Variants in SLC24A4 observed in about 807,000 individuals in gnomAD.
SLC24A4 encodes solute carrier family 24 member 4.
A neutral mutation model predicts 79.0 loss-of-function variants in SLC24A4; 53 were observed. The observed-to-expected ratio is 0.67, with a 90% CI of 0.54 to 0.84. The LOEUF is 0.84. Among genes scored for constraint, SLC24A4 ranks in the 40% least tolerant of loss-of-function variants. The probability of loss-of-function intolerance (pLI) is 0.00; values close to 1 mark genes in which losing one functional copy is unlikely to be tolerated. For synonymous variants in SLC24A4, 323 were observed against 323.8 expected, an observed-to-expected ratio of 1.00 and a Z score of 0.03; for missense variants, 731 against 822.0, an observed-to-expected ratio of 0.89 and a Z score of 1.35.
chr14:92,414,974 G>A (rs538806746), intron 2 of SLC24A4, among the ~76,000 whole-genome samples: 67 of 152,306 alleles, frequency 4.4e-4, no homozygotes, highest in African/African-American at 1.4e-3. Context: ...CCCTTGCCAC[G>A]ATGCGTGGTG....
chr14:92,362,322 G>A (rs1423296561), intron 2 of SLC24A4, among the ~76,000 whole-genome samples: 1 of 152,076 alleles, frequency 6.6e-6, no homozygotes, highest in Admixed American at 6.6e-5. Context: ...GGCACCTGCA[G>A]CCTTCTGGCC....
At chr14:92,461,675 C>T (rs1467909277) in intron 12 of SLC24A4, among the ~76,000 whole-genome samples, 1 of 152,134 alleles carries the variant, frequency 6.6e-6, no homozygotes. Context: ...AATACAGTTA[C>T]ATTGGGGGTT....
At position 92,442,729 on chromosome 14, in the gene SLC24A4, T is replaced by C. The variant is rs941650; in HGVS notation, c.495T>C (p.His165=). Residue 165 remains histidine, a synonymous_variant, in exon 6 of 17, where the codon CAT becomes CAC. Coordinates refer to ENST00000532405, the MANE Select transcript of SLC24A4 (RefSeq NM_153646.4). The stretch of plus-strand genomic sequence containing the variant: ...CCTTTCCAGGGGTGTTCATCACCCA[T>C]GGGGACGTCGGGGTGGGCACCATCG... ...FASVIGVFIT[H]GDVGVGTIVG... is the part of the protein sequence containing the mutation. The C allele has an allele frequency of 0.76, 1,221,384 of 1,612,880 alleles. 465,347 individuals carry two copies. The highest frequency in any genetic ancestry group is 0.98 in the East Asian group (43,968 of 44,874).
rs186830218 is a variant in SLC24A4 at position 92,495,528 on chromosome 14, C to T, written c.*1900C>T. On this transcript the variant is annotated 3_prime_UTR_variant, in exon 17 of 17. Coordinates refer to ENST00000532405, the MANE Select transcript of SLC24A4 (RefSeq NM_153646.4). ...TCAGCTGCAGGGATTCCAGAGCCCTCGGGACCACTCTGTCACCTTAATAGC... is the reference window on the plus strand; with the variant it reads ...TCAGCTGCAGGGATTCCAGAGCCCTTGGGACCACTCTGTCACCTTAATAGC... 3.2e-4 allele frequency: 49 copies of T among 152,264 alleles called. No homozygotes were observed. Among genetic ancestry groups the T allele is most frequent in the African/African-American group, 7.2e-4 (30 of 41,548 alleles). The allele number at this position is 152,264 out of a possible 1,614,324, so 9.4% of individuals were successfully genotyped here. A position where few individuals can be genotyped will look rare whatever the true frequency, so the allele number is the denominator to read the frequency against.
chr14:92,485,126 C>A (rs1895281108), intron 13 of SLC24A4, among the ~76,000 whole-genome samples: 1 of 152,192 alleles, frequency 6.6e-6, no homozygotes, highest in South Asian at 2.1e-4. Context: ...ACAGCCCACT[C>A]CATATGGGGG....
intron 2 of SLC24A4, among the ~76,000 whole-genome samples, chr14:92,397,908 T>C (rs1889870042): frequency 6.6e-6 from 1 of 152,194 alleles, no homozygotes; most frequent in African/African-American, 2.4e-5. Context: ...TAAGCAGGAT[T>C]TGGCTTCAAA....
chr14:92,447,051 T>C (rs1892834125), intron 8 of SLC24A4, among the ~76,000 whole-genome samples: 1 of 152,198 alleles, frequency 6.6e-6, no homozygotes, highest in Non-Finnish European at 1.5e-5. Context: ...GCCACGCCAC[T>C]AGCCTCCGTG....
At chr14:92,447,223 C>T (rs887839863) in intron 8 of SLC24A4, 148 bp from the exon 9 acceptor site, 3 of 658,862 alleles carry the variant, frequency 4.6e-6, no homozygotes, top group Non-Finnish European at 5.3e-6. Flanking sequence ...GCTGGGGGAT[C>T]TCTCTCACAT....
At chr14:92,400,265 C>A (rs150138442) in intron 2 of SLC24A4, among the ~76,000 whole-genome samples, 1 of 151,882 alleles carries the variant, frequency 6.6e-6, no homozygotes, top group African/African-American at 2.4e-5. Context: ...ATGGTGAAAC[C>A]CCGTCTCTAC....
chr14:92,487,947 TG>T (rs1895459666), intron 14 of SLC24A4, among the ~76,000 whole-genome samples: 1 of 152,038 alleles, frequency 6.6e-6, no homozygotes, highest in African/African-American at 2.4e-5. Context: ...ATTCTTCCCT[TG>T]GTATGTCTGT....
chr14:92,484,149 C>A, intron 13 of SLC24A4: 1 of 985,308 alleles, frequency 1.0e-6, no homozygotes, highest in East Asian at 1.1e-4. Context: ...CCTGTCTCTT[C>A]CCTCCCCCCA....
intron 2 of SLC24A4, among the ~76,000 whole-genome samples, chr14:92,347,461 T>C (rs11624651): frequency 0.15 from 22,288 of 152,248 alleles, 1,699 homozygotes; most frequent in Middle Eastern, 0.18. Flanking sequence ...ACATTGTTTC[T>C]CTTATTGCTT....
intron 2 of SLC24A4, among the ~76,000 whole-genome samples, chr14:92,348,497 T>C (rs530027044): frequency 6.6e-6 from 1 of 152,324 alleles, no homozygotes; most frequent in South Asian, 2.1e-4. Flanking sequence ...CCCTGGGCCA[T>C]AGTCTGCTGA....
chr14:92,389,940 C>G (rs761023421), intron 2 of SLC24A4, among the ~76,000 whole-genome samples: 14 of 152,194 alleles, frequency 9.2e-5, no homozygotes, highest in Non-Finnish European at 1.9e-4. Context: ...TGTTCTCTTC[C>G]GTCTTGTTTG....
chr14:92,368,849 G>A (rs564340482), intron 2 of SLC24A4, among the ~76,000 whole-genome samples: 2 of 152,300 alleles, frequency 1.3e-5, no homozygotes, highest in African/African-American at 4.8e-5. Flanking sequence ...ACCCTGGAGA[G>A]AAGGAAACTG....
chr14:92,421,707 C>T (rs1029497908), intron 2 of SLC24A4, among the ~76,000 whole-genome samples: 7 of 152,002 alleles, frequency 4.6e-5, no homozygotes, highest in Admixed American at 2.6e-4. Flanking sequence ...AAGGTTTCAC[C>T]ATGTTGCCCA....
intron 2 of SLC24A4, among the ~76,000 whole-genome samples, chr14:92,420,235 G>A (rs984785560): frequency 1.2e-4 from 19 of 152,220 alleles, no homozygotes; most frequent in Non-Finnish European, 2.4e-4. Flanking sequence ...TAATCCTAGC[G>A]CTTTGGGAGG....
rs150872820 is a variant in SLC24A4, at chr14:92,433,019, A to G, written c.242-893A>G. Among the ~76,000 whole-genome samples, 159 of 152,344 alleles carry G rather than the reference A, an allele frequency of 1.0e-3. 2 individuals carry two copies. The highest frequency in any genetic ancestry group is 2.0e-3 in the Non-Finnish European group (134 of 68,028). On this transcript the variant is annotated intron_variant, in intron 2 of 16. Transcript: ENST00000532405. Reference sequence around the variant, plus strand: ...TTAATATTTTAACCTTTGTTTATTCAGTCAATTACTAAGGTTGATTGAGAA... The same window carrying G: ...TTAATATTTTAACCTTTGTTTATTCGGTCAATTACTAAGGTTGATTGAGAA...
chr14:92,323,266 G>C lies in SLC24A4; in HGVS notation c.-565G>C, dbSNP rs1460621826. ...AGCCTGCTCGCCGCGAGGGTCTCAG[G>C]TACCGCGCGTCCAGCCAGCCTTCCC... On this transcript the variant is annotated 5_prime_UTR_variant, in exon 1 of 17. Transcript: ENST00000532405. This position sits in a 1 kb window ranked among gnomAD's most constrained non-coding sequence, Gnocchi z 4.9. The C allele has an allele frequency of 6.6e-6, 1 of 152,168 alleles. No individual in the cohort carries two copies. The highest frequency in any genetic ancestry group is 6.5e-5 in the Admixed American group (1 of 15,288). 9.4% of individuals were successfully genotyped at this position (152,168 alleles called of 1,614,324 possible).
Sources: gnomAD v4.1 joint callset for allele counts (sites outside exome capture counted in the v4.1 genomes callset) on GRCh38, gnomAD v4.1.1 for gene constraint, Gnocchi (gnomAD v3.1) non-coding constraint, MANE v1.5 for transcripts, NCBI Gene and HGNC (gene_info 2026-07-23, HGNC 2026-07-21) for gene names.